PPME1: variants seen among roughly 807,000 people sequenced by gnomAD.
PPME1 encodes testicular secretory protein Li 39.
In PPME1, 17 loss-of-function variants were observed where a neutral mutation model predicts 56.9. The observed-to-expected ratio is 0.30, with a 90% CI of 0.20 to 0.45. PPME1 has a LOEUF of 0.45. PPME1 is among the 20% of genes least tolerant of loss of function. The pLI is 1.00. For missense variants in PPME1, 357 were observed against 483.2 expected, an observed-to-expected ratio of 0.74 and a Z score of 2.45; for synonymous variants, 122 against 156.2, an observed-to-expected ratio of 0.78 and a Z score of 1.63.
chr11:74,206,219 T>C (rs981370273), intron 3 of PPME1, among the ~76,000 whole-genome samples: 1 of 152,210 alleles, frequency 6.6e-6, no homozygotes, highest in Admixed American at 6.5e-5. Flanking sequence ...ATGTATGTAT[T>C]TATTTTTTAA....
At chr11:74,237,972 T>C (rs1859239181) in intron 8 of PPME1, 1 of 152,180 alleles carries the variant, frequency 6.6e-6, no homozygotes, top group Admixed American at 6.5e-5. Flanking sequence ...GATAGTTGAG[T>C]GATTTTAAAA....
intron 1 of PPME1, among the ~76,000 whole-genome samples, chr11:74,180,212 T>C (rs559314387): frequency 4.6e-5 from 7 of 152,348 alleles, no homozygotes; most frequent in South Asian, 2.1e-4. Context: ...TATCTCCTAG[T>C]AGGCATATCA....
chr11:74,227,068 G>A (rs941823644), intron 5 of PPME1, among the ~76,000 whole-genome samples: 18 of 152,064 alleles, frequency 1.2e-4, no homozygotes, highest in Admixed American at 5.2e-4. Context: ...TATTCGTGGG[G>A]AGGATCTCAC....
intron 1 of PPME1, among the ~76,000 whole-genome samples, chr11:74,193,470 A>G (rs572132927): frequency 6.6e-6 from 1 of 152,372 alleles, no homozygotes; most frequent in South Asian, 2.1e-4. Flanking sequence ...AGATAATCCA[A>G]AATTAAAAAG....
At chr11:74,225,076 C>T (rs776337356) in intron 4 of PPME1, 129 bp from the exon 5 acceptor site, 1 of 599,370 alleles carries the variant, frequency 1.7e-6, no homozygotes, top group African/African-American at 1.9e-5. Flanking sequence ...AAAATCCTTG[C>T]TAAACTCATT....
At chr11:74,233,441 A>T (rs1208991429) in intron 7 of PPME1, among the ~76,000 whole-genome samples, 3 of 151,742 alleles carry the variant, frequency 2.0e-5, no homozygotes, top group Non-Finnish European at 4.4e-5. Flanking sequence ...TTTTATGTTG[A>T]AATATAAGGC....
chr11:74,239,485 C>G (rs1834982962), intron 9 of PPME1, among the ~76,000 whole-genome samples: 1 of 152,056 alleles, frequency 6.6e-6, no homozygotes, highest in South Asian at 2.1e-4. Context: ...CTAAAACAGA[C>G]TGCTTTCTCA....
At chr11:74,212,363 A>G (rs1858501006) in intron 3 of PPME1, among the ~76,000 whole-genome samples, 3 of 152,166 alleles carry the variant, frequency 2.0e-5, no homozygotes, top group Admixed American at 2.0e-4. Context: ...TGAGTTCTGG[A>G]AAGCCTTGCC....
chr11:74,188,840 A>T (rs569567153), intron 1 of PPME1, among the ~76,000 whole-genome samples: 5 of 152,324 alleles, frequency 3.3e-5, no homozygotes, highest in Admixed American at 3.3e-4. Context: ...ACTTGGAATA[A>T]TTCTTAATAC....
intron 7 of PPME1, among the ~76,000 whole-genome samples, chr11:74,232,834 G>A (rs1591058707): frequency 6.7e-6 from 1 of 149,744 alleles, no homozygotes; most frequent in East Asian, 2.0e-4. Context: ...TGTGCACCAC[G>A]ATGCCCAGCT....
At chr11:74,205,743 T>TTG (rs1484069332) in intron 3 of PPME1, 1 of 152,344 alleles carries the variant, frequency 6.6e-6, no homozygotes, top group East Asian at 1.9e-4. Context: ...GATTTGGCCC[T>TTG]TGTCTTGTTT....
At chr11:74,184,691 C>T (rs145107902) in intron 1 of PPME1, among the ~76,000 whole-genome samples, 2 of 152,184 alleles carry the variant, frequency 1.3e-5, no homozygotes, top group Admixed American at 6.5e-5. Context: ...CTGGGTGTGC[C>T]GTTTATGAGC....
At chr11:74,246,984 A>G in intron 10 of PPME1, 95 bp from the exon 11 acceptor site, 3 of 1,060,896 alleles carry the variant, frequency 2.8e-6, no homozygotes, top group Non-Finnish European at 4.3e-6. Context: ...ATAAACATGA[A>G]TGGAGAATGT....
intron 5 of PPME1, 44 bp downstream of exon 5, chr11:74,225,300 C>G: frequency 7.5e-7 from 1 of 1,334,126 alleles, no homozygotes; most frequent in South Asian, 1.3e-5. Flanking sequence ...TCTCCCATCA[C>G]TATTATAAAT....
Position 74,171,526 on chromosome 11 carries a change from C to T in PPME1, c.101+4C>T, listed in dbSNP as rs1278505320. 1 of 1,610,274 alleles carries T rather than the reference C, an allele frequency of 6.2e-7. No individual in the cohort carries two copies. The highest frequency in any genetic ancestry group is 8.5e-7 in the Non-Finnish European group (1 of 1,178,562). On this transcript the variant is annotated splice_donor_region_variant and intron_variant, in intron 1 of 13. Transcript: ENST00000328257. ...GCGGAGCCAAGATGCGAATGGGGTA[C>T]GTGACCCATACCCCTTCTCCCTATG...
chr11:74,180,081 C>G (rs553043816), intron 1 of PPME1, among the ~76,000 whole-genome samples: 3 of 152,314 alleles, frequency 2.0e-5, no homozygotes, highest in South Asian at 2.1e-4. Context: ...ATACAACTTA[C>G]ATTTCTTGGT....
In PPME1 at chr11:74,254,310, A is replaced by G. The variant is rs992680902; in HGVS notation, c.*800A>G. ...CCTATGGAATTGTTTTTAATCATCAAATTTAACCATTTTCATAACTGGTTC... is the reference window on the plus strand; with the variant it reads ...CCTATGGAATTGTTTTTAATCATCAGATTTAACCATTTTCATAACTGGTTC... On this transcript the variant is annotated 3_prime_UTR_variant, in exon 14 of 14. Transcript: ENST00000328257. 6.5e-6 allele frequency: 1 copy of G among 152,726 alleles called. No individual in the cohort carries two copies. The highest frequency in any genetic ancestry group is 1.5e-5 in the Non-Finnish European group (1 of 68,094). The allele number at this position is 152,726 out of a possible 1,614,324, so 9.5% of individuals were successfully genotyped here. A position where few individuals can be genotyped will look rare whatever the true frequency, so the allele number is the denominator to read the frequency against.
intron 1 of PPME1, among the ~76,000 whole-genome samples, chr11:74,172,555 A>G (rs534323779): frequency 3.3e-5 from 5 of 152,354 alleles, no homozygotes; most frequent in Non-Finnish European, 7.4e-5. Flanking sequence ...AGAGCCATGT[A>G]GAAGAGATAG....
At chr11:74,225,136 A>G (rs1858901402) in intron 4 of PPME1, 69 bp from the exon 5 acceptor site, 2 of 1,097,576 alleles carry the variant, frequency 1.8e-6, no homozygotes, top group South Asian at 1.5e-5. Flanking sequence ...GATATTTTTA[A>G]AAGAGAATAC....
Sources: gnomAD v4.1 joint callset for allele counts (sites outside exome capture counted in the v4.1 genomes callset) on GRCh38, gnomAD v4.1.1 for gene constraint, MANE v1.5 for transcripts, NCBI Gene and HGNC (gene_info 2026-07-23, HGNC 2026-07-21) for gene names.